The following RASGRF1 variants were observed in gnomAD, a reference collection of about 807,000 sequenced individuals.
The protein encoded by RASGRF1 is Ras protein specific guanine nucleotide releasing factor 1, also known as ras-specific guanine nucleotide-releasing factor 1.
In RASGRF1, 40 loss-of-function variants were observed where a neutral mutation model predicts 138.7. The ratio of observed to expected loss-of-function variants is 0.29; its 90% confidence interval spans 0.22 to 0.38. The LOEUF is 0.38. RASGRF1 is among the 10% of genes least tolerant of loss of function. RASGRF1 has a pLI of 1.00. For missense variants in RASGRF1, 1,108 were observed against 1,650.4 expected, an observed-to-expected ratio of 0.67 and a Z score of 5.69; for synonymous variants, 614 against 663.2, an observed-to-expected ratio of 0.93 and a Z score of 1.14.
chr15:79,015,583 G>A (rs555718147), intron 12 of RASGRF1, among the ~76,000 whole-genome samples, 174 bp from the exon 13 acceptor site: 1 of 152,208 alleles, frequency 6.6e-6, no homozygotes, highest in Admixed American at 6.5e-5. Context: ...TTAGACTTTG[G>A]CCGGAAGTCA....
chr15:79,017,968 G>A, intron 11 of RASGRF1, 62 bp from the exon 12 acceptor site: 1 of 1,594,748 alleles, frequency 6.3e-7, no homozygotes, highest in Non-Finnish European at 8.6e-7. Context: ...GGTGGAAAAT[G>A]TTTTAGTGGT....
intron 23 of RASGRF1, among the ~76,000 whole-genome samples, chr15:78,983,451 C>T (rs2056080137): frequency 6.6e-6 from 1 of 152,210 alleles, no homozygotes; most frequent in Non-Finnish European, 1.5e-5. Context: ...AAACTCATTC[C>T]CTCCCAACTC....
At chr15:79,001,619 C>A in intron 16 of RASGRF1, 43 bp downstream of exon 16, 1 of 1,604,114 alleles carries the variant, frequency 6.2e-7, no homozygotes, top group South Asian at 1.1e-5. Context: ...TGCCCTCTCC[C>A]AAACTGGAAA....
chr15:79,035,535 T>C (rs947535355), intron 5 of RASGRF1, among the ~76,000 whole-genome samples: 1 of 152,226 alleles, frequency 6.6e-6, no homozygotes, highest in Admixed American at 6.5e-5. Context: ...GCCAGTGGCC[T>C]CTGTCTCCTC....
chr15:78,979,299 G>A, intron 24 of RASGRF1: 1 of 878,626 alleles, frequency 1.1e-6, no homozygotes, highest in Non-Finnish European at 1.5e-6. Context: ...AACGCAAAGA[G>A]GAGGCAGACG....
In RASGRF1 at chr15:79,077,923, CG is replaced by C. The variant is rs560733662; in HGVS notation, c.276+12299del. On this transcript the variant is annotated intron_variant, in intron 1 of 26. Transcript: ENST00000558480. ...AGAGAAGGGGTGGGTGGGGTGGGCT[CG>C]GGGATAGATGCTACCACTCTTGGCT... Among the ~76,000 whole-genome samples the C allele has an allele frequency of 5.6e-4, 85 of 151,792 alleles. 1 individual carries two copies. The highest frequency in any genetic ancestry group is 2.1e-3 in the African/African-American group (85 of 41,338).
At chr15:79,035,348 C>T in intron 5 of RASGRF1, 138 bp from the exon 6 acceptor site, 1 of 633,648 alleles carries the variant, frequency 1.6e-6, no homozygotes, top group Non-Finnish European at 2.8e-6. Context: ...ACTGCACCGG[C>T]AGGATGGATC....
In RASGRF1 at chr15:78,991,741, C is replaced by T. The variant is rs772888177; in HGVS notation, c.3081G>A (p.Ala1027=). The part of the protein sequence containing the change: ...PFENHSALEI[A]EQLTLLDHLV... Reference sequence around the variant, plus strand: ...GGTGATCTAGCAGGGTCAGCTGCTCCGCGATCTCCAGGGCTGAGTGGTTTT... The same window carrying T: ...GGTGATCTAGCAGGGTCAGCTGCTCTGCGATCTCCAGGGCTGAGTGGTTTT... Residue 1027 remains alanine, a synonymous_variant, in exon 21 of 27, where the codon GCG becomes GCA. Coordinates refer to ENST00000558480, the MANE Select transcript of RASGRF1 (RefSeq NM_001145648.3). 1.7e-5 allele frequency: 27 copies of T among 1,614,004 alleles called. No homozygotes were observed. In the East Asian group the frequency reaches 1.8e-4, roughly 11 times the overall value.
In RASGRF1 at chr15:79,033,585, T is replaced by TC. The variant is rs1381219358; in HGVS notation, c.959-1270_959-1269insG. 2.2e-3 allele frequency among the ~76,000 whole-genome samples: 287 copies of TC among 133,132 alleles called. 1 individual carries two copies. Among genetic ancestry groups the TC allele is most frequent in the African/African-American group, 3.2e-3 (114 of 35,872 alleles). The allele number at this position is 133,132 out of a possible 152,430, so 87.3% of individuals were successfully genotyped here. ...CTTCTTCTTCTTTTTTCTTTTCTTT[T>TC]TTTTTTTTTTTTTTTTTGAGATAGA... On this transcript the variant is annotated intron_variant, in intron 6 of 26. Transcript: ENST00000558480.
At chr15:79,013,056 A>G (rs1292230984) in intron 13 of RASGRF1, among the ~76,000 whole-genome samples, 1 of 152,238 alleles carries the variant, frequency 6.6e-6, no homozygotes, top group Non-Finnish European at 1.5e-5. Context: ...ATATAATGGT[A>G]ATTCCAGCTG....
At chr15:79,005,513 G>A in intron 14 of RASGRF1, 2 of 985,470 alleles carry the variant, frequency 2.0e-6, no homozygotes, top group Non-Finnish European at 2.4e-6. Flanking sequence ...ATGCAGTGAA[G>A]TCCATTAGGG....
chr15:79,072,670 C>T (rs771305160), intron 1 of RASGRF1, among the ~76,000 whole-genome samples: 1 of 152,176 alleles, frequency 6.6e-6, no homozygotes, highest in African/African-American at 2.4e-5. Flanking sequence ...CAGCTGGTAT[C>T]GGTTCAGAGC....
chr15:79,032,428 T>G lies in RASGRF1; in HGVS notation c.959-112A>C. The G allele has an allele frequency of 3.0e-6, 3 of 997,984 alleles. No individual in the cohort carries two copies. Among genetic ancestry groups the G allele is most frequent in the Non-Finnish European group, 4.5e-6 (3 of 669,962 alleles). The allele number at this position is 997,984 out of a possible 1,614,324, so 61.8% of individuals were successfully genotyped here. On this transcript the variant is annotated intron_variant, in intron 6 of 26. Transcript: ENST00000558480. This position sits in a 1 kb window ranked among gnomAD's most constrained non-coding sequence, Gnocchi z 4.5. Reference sequence around the variant, plus strand: ...AGAGAGGCCAGGGGCCAGGTTCAAGTTCCCCACCCCAGAGACATCTCTGCT... The same window carrying G: ...AGAGAGGCCAGGGGCCAGGTTCAAGGTCCCCACCCCAGAGACATCTCTGCT...
rs1430069863 is a variant in RASGRF1, at chr15:79,035,033, C to T, written c.958+98G>A. On this transcript the variant is annotated intron_variant, in intron 6 of 26. Transcript: ENST00000558480. ...ATTCTGTGGGTTTTAAAAAGTGACA[C>T]TCTATTATGCTCTAGAAGGACAAAA... 53 of 954,110 alleles carry T rather than the reference C, an allele frequency of 5.6e-5. No individual in the cohort carries two copies. The South Asian group carries it at 6.7e-4, about 12-fold the overall frequency. The allele number at this position is 954,110 out of a possible 1,614,324, so 59.1% of individuals were successfully genotyped here. A position where few individuals can be genotyped will look rare whatever the true frequency, so the allele number is the denominator to read the frequency against.
chr15:78,963,970 TTCC>T (rs2055595389), intron 26 of RASGRF1, among the ~76,000 whole-genome samples: 1 of 152,100 alleles, frequency 6.6e-6, no homozygotes, highest in Non-Finnish European at 1.5e-5. Flanking sequence ...ACTGATTAGT[TTCC>T]TCCGTAGTGA....
intron 1 of RASGRF1, among the ~76,000 whole-genome samples, chr15:79,071,179 G>A (rs2057750025): frequency 6.6e-6 from 1 of 152,132 alleles, no homozygotes; most frequent in South Asian, 2.1e-4. Flanking sequence ...CCACTGCAAG[G>A]CCATCTCCCC....
chr15:79,035,149 A>C lies in RASGRF1; in HGVS notation c.940T>G (p.Trp314Gly). 6.2e-7 allele frequency: 1 copy of C among 1,613,484 alleles called. No individual in the cohort carries two copies. The highest frequency in any genetic ancestry group is 1.1e-5 in the South Asian group (1 of 90,982). ...TACTCACCCAGGACCAGCGTGGGCC[A>C]GCTGGAGATGCGGGCCTTCAGGCCT... Reference protein sequence around the residue: ...YQGLKARISSWPTLVLADLFD... With the variant: ...YQGLKARISSGPTLVLADLFD... Residue 314 changes from tryptophan (W) to glycine (G), a missense_variant, in exon 6 of 27, where the codon TGG (tryptophan) becomes GGG (glycine). Coordinates refer to ENST00000558480, the MANE Select transcript of RASGRF1 (RefSeq NM_001145648.3).
chr15:79,082,321 G>A (rs978116027), intron 1 of RASGRF1, among the ~76,000 whole-genome samples: 1 of 152,132 alleles, frequency 6.6e-6, no homozygotes, highest in Admixed American at 6.5e-5. Context: ...GCTCAGAGTG[G>A]GTCCCTTCTG....
intron 5 of RASGRF1, among the ~76,000 whole-genome samples, chr15:79,036,612 G>C (rs973080797): frequency 6.6e-6 from 1 of 152,194 alleles, no homozygotes; most frequent in East Asian, 1.9e-4. Flanking sequence ...GCATTGAGGC[G>C]GTGGGGGGCA....
Sources: gnomAD v4.1 joint callset for allele counts (sites outside exome capture counted in the v4.1 genomes callset) on GRCh38, gnomAD v4.1.1 for gene constraint, Gnocchi (gnomAD v3.1) non-coding constraint, MANE v1.5 for transcripts, NCBI Gene and HGNC (gene_info 2026-07-23, HGNC 2026-07-21) for gene names.